WIPF3: variants seen among roughly 807,000 people sequenced by gnomAD.
WIPF3 encodes the protein WAS/WASL-interacting protein family member 3.
In WIPF3, 33 loss-of-function variants were observed where a neutral mutation model predicts 38.9. That is an observed-to-expected ratio of 0.85 (90% CI 0.64 to 1.14). The LOEUF is 1.14. Among genes scored for constraint, WIPF3 ranks in the 50% most tolerant of loss-of-function variants. The probability of loss-of-function intolerance (pLI) is 0.00; values close to 1 mark genes in which losing one functional copy is unlikely to be tolerated. For synonymous variants in WIPF3, 324 were observed against 269.3 expected (o/e 1.20, Z -1.99); for missense variants, 711 against 652.5 (o/e 1.09, Z -0.98).
chr7:29,821,000 T>A (rs1485506665), intron 1 of WIPF3, among the ~76,000 whole-genome samples: 1 of 152,232 alleles, frequency 6.6e-6, no homozygotes, highest in African/African-American at 2.4e-5. Flanking sequence ...CAGTCTTGAT[T>A]CAGCAGTTAA....
At chr7:29,866,290 A>T (rs529014582) in intron 2 of WIPF3, among the ~76,000 whole-genome samples, 1 of 152,218 alleles carries the variant, frequency 6.6e-6, no homozygotes, top group South Asian at 2.1e-4. Flanking sequence ...GTCTCCTTTC[A>T]TATGTGAGCA....
At chr7:29,876,517 TA>T (rs977745587) in intron 3 of WIPF3, among the ~76,000 whole-genome samples, 2 of 152,252 alleles carry the variant, frequency 1.3e-5, no homozygotes, top group African/African-American at 4.8e-5. Flanking sequence ...TCACTTAGCA[TA>T]ATGTTTTCAA....
intron 3 of WIPF3, among the ~76,000 whole-genome samples, chr7:29,876,278 A>G (rs1785595528): frequency 6.6e-6 from 1 of 152,250 alleles, no homozygotes; most frequent in African/African-American, 2.4e-5. Flanking sequence ...AAAGTGTTCA[A>G]TCAGTGCCAA....
chr7:29,884,669 G>T, intron 5 of WIPF3, 76 bp downstream of exon 5: 1 of 1,478,596 alleles, frequency 6.8e-7, no homozygotes. Context: ...CTTTATTGTT[G>T]GAGGTATTCG....
chr7:29,888,514 T>TGC (rs1562787287), intron 6 of WIPF3, among the ~76,000 whole-genome samples: 5 of 151,596 alleles, frequency 3.3e-5, no homozygotes, highest in African/African-American at 9.7e-5. Context: ...TGTGTGCGTG[T>TGC]GTGTGTGTGT....
intron 1 of WIPF3, among the ~76,000 whole-genome samples, chr7:29,811,845 A>T (rs1480794103): frequency 1.3e-5 from 2 of 152,208 alleles, no homozygotes; most frequent in Admixed American, 1.3e-4. Context: ...GACATTCTGT[A>T]TTCTTAGCTA....
Position 29,884,165 on chromosome 7 carries a change from C to A in WIPF3, c.671C>A (p.Pro224Gln). 6.5e-7 allele frequency: 1 copy of A among 1,529,498 alleles called. No homozygotes were observed. Among genetic ancestry groups the A allele is most frequent in the African/African-American group, 1.4e-5 (1 of 72,114 alleles). 94.7% of individuals were successfully genotyped at this position (1,529,498 alleles called of 1,614,324 possible). A position where few individuals can be genotyped will look rare whatever the true frequency, so the allele number is the denominator to read the frequency against. The change falls in exon 5 of 9, where the codon CCA (proline) becomes CAA (glutamine). Residue 224 changes from proline (P) to glutamine (Q), a missense_variant. Coordinates refer to ENST00000242140, the MANE Select transcript of WIPF3 (RefSeq NM_001080529.3). ...GCACCCCCCGTCCCCTGTGCGCCACCACCTCCACCTCCGCCACCTCCCCCA... is the reference window on the plus strand; with the variant it reads ...GCACCCCCCGTCCCCTGTGCGCCACAACCTCCACCTCCGCCACCTCCCCCA... The part of the protein sequence containing the change: ...VVAPPVPCAP[P>Q]PPPPPPPPTP...
At chr7:29,824,670 A>G (rs1784588131) in intron 1 of WIPF3, among the ~76,000 whole-genome samples, 1 of 152,230 alleles carries the variant, frequency 6.6e-6, no homozygotes, top group South Asian at 2.1e-4. Context: ...CATAGTAAGT[A>G]GCCCAGAGAG....
intron 1 of WIPF3, among the ~76,000 whole-genome samples, chr7:29,809,138 C>T (rs757010081): frequency 5.9e-5 from 9 of 152,154 alleles, no homozygotes; most frequent in South Asian, 4.1e-4. Flanking sequence ...CTTAAATCTA[C>T]GGAGAAATCC....
intron 2 of WIPF3, among the ~76,000 whole-genome samples, chr7:29,839,129 T>C (rs1432649457): frequency 6.6e-6 from 1 of 152,126 alleles, no homozygotes; most frequent in Non-Finnish European, 1.5e-5. Context: ...CCTGGGTGCT[T>C]CTAGAGTGCT....
At chr7:29,902,265 C>CTTTTTTTTTTTTTTTT (rs141174377) in intron 7 of WIPF3, among the ~76,000 whole-genome samples, 47 of 116,432 alleles carry the variant, frequency 4.0e-4, no homozygotes, top group Middle Eastern at 5.5e-3. Context: ...TTTTCTTCTT[C>CTTTTTTTTTTTTTTTT]TTCTTCTTCT....
chr7:29,815,736 C>G (rs1784444923), intron 1 of WIPF3, among the ~76,000 whole-genome samples: 1 of 152,176 alleles, frequency 6.6e-6, no homozygotes, highest in Non-Finnish European at 1.5e-5. Context: ...AGCATCATGT[C>G]TTAAAACCAT....
intron 2 of WIPF3, among the ~76,000 whole-genome samples, chr7:29,835,182 C>T (rs1784781464): frequency 6.6e-6 from 1 of 152,058 alleles, no homozygotes; most frequent in African/African-American, 2.4e-5. Flanking sequence ...AAGTCAAGTT[C>T]CAGTGTGGAA....
Position 29,915,649 on chromosome 7 carries a change from T to C in WIPF3, c.*1133T>C, listed in dbSNP as rs1206493376. ...GAGATGTGTGCAAGCTCAGCCACTCTGAATATGGAAAAGGTCAGGCCGGGC... is the reference window on the plus strand; with the variant it reads ...GAGATGTGTGCAAGCTCAGCCACTCCGAATATGGAAAAGGTCAGGCCGGGC... On this transcript the variant is annotated 3_prime_UTR_variant, in exon 9 of 9. Coordinates refer to ENST00000242140, the MANE Select transcript of WIPF3 (RefSeq NM_001080529.3). 6.6e-6 allele frequency: 1 copy of C among 152,260 alleles called. No individual in the cohort carries two copies. The highest frequency in any genetic ancestry group is 1.5e-5 in the Non-Finnish European group (1 of 68,096). The allele number at this position is 152,260 out of a possible 1,614,324, so 9.4% of individuals were successfully genotyped here.
intron 1 of WIPF3, among the ~76,000 whole-genome samples, chr7:29,816,337 A>AT (rs1784458219): frequency 6.6e-6 from 1 of 151,342 alleles, no homozygotes; most frequent in Non-Finnish European, 1.5e-5. Flanking sequence ...CATCATCATC[A>AT]TTTTTTTAGA....
At chr7:29,838,237 T>A (rs1228068932) in intron 2 of WIPF3, among the ~76,000 whole-genome samples, 1 of 152,026 alleles carries the variant, frequency 6.6e-6, no homozygotes, top group Non-Finnish European at 1.5e-5. Flanking sequence ...ACTTTTTAAA[T>A]GTTGGCTGGA....
At chr7:29,886,762 T>C (rs1785891415) in intron 5 of WIPF3, among the ~76,000 whole-genome samples, 1 of 140,258 alleles carries the variant, frequency 7.1e-6, no homozygotes, top group South Asian at 2.1e-4. Flanking sequence ...TTATTAATAC[T>C]GAATTTTTTT....
At chr7:29,875,698 G>T in intron 2 of WIPF3, 132 bp from the exon 3 acceptor site, 2 of 1,230,074 alleles carry the variant, frequency 1.6e-6, no homozygotes, top group East Asian at 4.9e-5. Context: ...CTCTCCCATA[G>T]GTAATCTGAG....
intron 1 of WIPF3, among the ~76,000 whole-genome samples, chr7:29,821,827 G>A (rs949185260): frequency 1.3e-5 from 2 of 152,050 alleles, no homozygotes; most frequent in Non-Finnish European, 2.9e-5. Context: ...ATGGTACTCA[G>A]TGTGTTTTCA....
Sources: allele counts gnomAD v4.1 joint callset (sites outside exome capture counted in the v4.1 genomes callset), GRCh38; gene constraint gnomAD v4.1.1; transcripts MANE v1.5; gene names NCBI Gene and HGNC (gene_info 2026-07-23, HGNC 2026-07-21).